Variants in TG observed in about 807,000 individuals in gnomAD.
TG encodes thyroid hormones.
In TG, 270 loss-of-function variants were observed where a neutral mutation model predicts 324.7. The ratio of observed to expected loss-of-function variants is 0.83; its 90% CI spans 0.75 to 0.92. The LOEUF (loss-of-function observed/expected upper bound fraction) is 0.92, where lower values mean the gene tolerates loss of function less well. Among genes scored for constraint, TG ranks in the 40% least tolerant of loss-of-function variants. TG has a pLI of 0.00. For synonymous variants in TG, 1,401 were observed against 1,327.0 expected, an observed-to-expected ratio of 1.06 and a Z score of -1.21; for missense variants, 3,591 against 3,456.4, an observed-to-expected ratio of 1.04 and a Z score of -0.98.
In TG at chr8:132,929,171, C is replaced by T. The variant is rs773250444; in HGVS notation, c.4795C>T (p.Pro1599Ser). Residue 1599 changes from proline (P) to serine (S), a missense_variant, in exon 23 of 48, where the codon CCC becomes TCC. Transcript: ENST00000220616. ...ATCCAAAGTTCCTGATTCTGAGTTC[C>T]CCGTGATGCAGTGCTTGACAGGTGA... ...VRSKVPDSEF[P>S]VMQCLTDCTE... The T allele has an allele frequency of 4.3e-6, 7 of 1,614,040 alleles. No homozygotes were observed. The highest frequency in any genetic ancestry group is 1.1e-5 in the South Asian group (1 of 91,078).
At chr8:133,046,462 G>A (rs967269114) in intron 41 of TG, 3 of 152,358 alleles carry the variant, frequency 2.0e-5, no homozygotes, top group South Asian at 4.1e-4. Flanking sequence ...AACCCAGCAT[G>A]AGCCTTCCCG....
intron 43 of TG, among the ~76,000 whole-genome samples, chr8:133,112,185 G>A (rs1367060908): frequency 6.6e-6 from 1 of 152,234 alleles, no homozygotes; most frequent in Non-Finnish European, 1.5e-5. Context: ...TACCCAGGAG[G>A]GATTGCTCAT....
At chr8:132,981,764 T>C (rs980289494) in intron 34 of TG, among the ~76,000 whole-genome samples, 2 of 152,156 alleles carry the variant, frequency 1.3e-5, no homozygotes, top group African/African-American at 4.8e-5. Context: ...GCCCTCCAGG[T>C]AATTTGGAAG....
At chr8:132,997,277 G>A (rs1016967065) in intron 35 of TG, among the ~76,000 whole-genome samples, 1 of 152,180 alleles carries the variant, frequency 6.6e-6, no homozygotes, top group African/African-American at 2.4e-5. Flanking sequence ...GTGGTTGTGG[G>A]TGGAAGTGAG....
At chr8:133,054,685 C>T (rs1368791591) in intron 41 of TG, among the ~76,000 whole-genome samples, 1 of 152,154 alleles carries the variant, frequency 6.6e-6, no homozygotes, top group Admixed American at 6.5e-5. Context: ...AAATGAACTC[C>T]ACTTGGTGAG....
intron 41 of TG, among the ~76,000 whole-genome samples, chr8:133,075,416 A>G (rs1844714767): frequency 6.6e-6 from 1 of 152,212 alleles, no homozygotes; most frequent in Non-Finnish European, 1.5e-5. Flanking sequence ...AGGAGACTAA[A>G]GAGACACAAT....
chr8:132,971,810 C>A lies in TG; in HGVS notation c.5992C>A (p.Arg1998=), dbSNP rs777075341. The change falls in exon 33 of 48, where the codon CGA becomes AGA. Residue 1998 remains arginine, a synonymous_variant. Coordinates refer to ENST00000220616, the MANE Select transcript of TG (RefSeq NM_003235.5). The stretch of plus-strand genomic sequence containing the variant: ...CTATGCCAGGTTCTTTGAATGTGAA[C>A]GACGGTGCGATGCGGACCCATGCTG... ...SISNGFFECE[R]RCDADPCCTG... 6.2e-7 allele frequency: 1 copy of A among 1,613,354 alleles called. No homozygotes were observed. Among genetic ancestry groups the A allele is most frequent in the Non-Finnish European group, 8.5e-7 (1 of 1,179,320 alleles).
chr8:133,121,624 T>C (rs1018225078), intron 45 of TG, among the ~76,000 whole-genome samples: 2 of 152,208 alleles, frequency 1.3e-5, no homozygotes, highest in African/African-American at 4.8e-5. Flanking sequence ...CCTTGAGTCT[T>C]ATCAGCTCAG....
chr8:132,928,169 G>C (rs1402388164), intron 22 of TG, among the ~76,000 whole-genome samples: 1 of 152,136 alleles, frequency 6.6e-6, no homozygotes, highest in Non-Finnish European at 1.5e-5. Context: ...AATCACTTTG[G>C]ATGGCCTTGA....
intron 39 of TG, among the ~76,000 whole-genome samples, chr8:133,020,865 CA>C (rs1224138160): frequency 6.6e-6 from 1 of 152,174 alleles, no homozygotes; most frequent in Non-Finnish European, 1.5e-5. Flanking sequence ...GGCAGGTCCT[CA>C]GGCAGTGTTT....
intron 43 of TG, among the ~76,000 whole-genome samples, chr8:133,100,913 C>T (rs1392360328): frequency 6.6e-6 from 1 of 152,110 alleles, no homozygotes; most frequent in African/African-American, 2.4e-5. Flanking sequence ...TACGTTATCT[C>T]AACTGTATGG....
In TG at chr8:133,063,290, C is replaced by T. The variant is rs542088678; in HGVS notation, c.7240-31754C>T. On this transcript the variant is annotated intron_variant, in intron 41 of 47. Coordinates refer to ENST00000220616, the MANE Select transcript of TG (RefSeq NM_003235.5). ...CCCAGCCCTGCCAGCCTTCCCTCCC[C>T]TCCATCCCCTCCCCCAAGCTGCTTC... is the stretch of plus-strand genomic sequence containing the variant. 8.0e-4 allele frequency among the ~76,000 whole-genome samples: 121 copies of T among 151,944 alleles called. 1 individual carries two copies. The highest frequency in any genetic ancestry group is 2.8e-3 in the African/African-American group (117 of 41,434).
intron 25 of TG, among the ~76,000 whole-genome samples, chr8:132,936,536 T>G (rs1489216905): frequency 6.6e-6 from 1 of 152,204 alleles, no homozygotes; most frequent in Non-Finnish European, 1.5e-5. Context: ...TCGTACTGTA[T>G]AGTTTATGAC....
chr8:133,024,320 TTC>T (rs1461179271), intron 40 of TG, among the ~76,000 whole-genome samples: 1 of 60,256 alleles, frequency 1.7e-5, no homozygotes, highest in Non-Finnish European at 3.6e-5. Context: ...CTTTCTTTCT[TTC>T]TTTCTTTCTT....
chr8:132,953,775 G>T (rs1044174241), intron 27 of TG, among the ~76,000 whole-genome samples: 2 of 152,166 alleles, frequency 1.3e-5, no homozygotes, highest in African/African-American at 4.8e-5. Flanking sequence ...TCTCCAGAGA[G>T]AAATCCACTC....
At chr8:133,002,907 G>T in intron 35 of TG, 1 of 734,676 alleles carries the variant, frequency 1.4e-6, no homozygotes, top group Non-Finnish European at 1.7e-6. Flanking sequence ...TTTTGCCATG[G>T]TAACACCTGT....
intron 25 of TG, among the ~76,000 whole-genome samples, chr8:132,937,065 G>A (rs1173209182): frequency 3.3e-5 from 5 of 152,168 alleles, no homozygotes; most frequent in Non-Finnish European, 7.3e-5. Context: ...CTGGGCTCAT[G>A]GGGAAAGCTC....
At chr8:132,877,826 G>A (rs1814047824) in intron 5 of TG, among the ~76,000 whole-genome samples, 1 of 152,320 alleles carries the variant, frequency 6.6e-6, no homozygotes, top group East Asian at 1.9e-4. Flanking sequence ...AGAAAATTAG[G>A]AAGATTCTGA....
chr8:132,967,754 C>A (rs890302410), intron 30 of TG, 40 bp from the exon 31 acceptor site: 4 of 1,610,370 alleles, frequency 2.5e-6, no homozygotes, highest in Non-Finnish European at 2.5e-6. Context: ...CCCCTGTAGA[C>A]CCCACAAAAA....
Sources: allele counts gnomAD v4.1 joint callset (sites outside exome capture counted in the v4.1 genomes callset), GRCh38; gene constraint gnomAD v4.1.1; transcripts MANE v1.5; gene names NCBI Gene and HGNC (gene_info 2026-07-23, HGNC 2026-07-21).